The following CYP7B1 variants were observed in gnomAD, a reference collection of about 807,000 sequenced individuals.
CYP7B1 encodes the protein cytochrome P450 7B1.
CYP7B1 carries 29 observed loss-of-function variants against 42.7 expected under a neutral mutation model. The observed-to-expected ratio is 0.68, with a 90% CI of 0.51 to 0.93. The LOEUF (loss-of-function observed/expected upper bound fraction) is 0.93. CYP7B1 is among the 40% of genes least tolerant of loss of function. CYP7B1 has a pLI of 0.00. For synonymous variants in CYP7B1, 235 were observed against 218.2 expected, an observed-to-expected ratio of 1.08 and a Z score of -0.68; for missense variants, 655 against 600.5, an observed-to-expected ratio of 1.09 and a Z score of -0.95.
intron 1 of CYP7B1, among the ~76,000 whole-genome samples, chr8:64,673,933 T>C (rs1387121564): frequency 1.3e-5 from 2 of 152,084 alleles, no homozygotes; most frequent in Admixed American, 6.6e-5. Flanking sequence ...AATGATTATA[T>C]CTGATATCCA....
intron 1 of CYP7B1, among the ~76,000 whole-genome samples, chr8:64,654,845 TAG>T (rs1424374250): frequency 1.3e-5 from 2 of 152,042 alleles, no homozygotes; most frequent in Admixed American, 6.6e-5. Flanking sequence ...TGGGACAGAA[TAG>T]AGAGTCTAGA....
At chr8:64,667,505 G>C (rs954970036) in intron 1 of CYP7B1, among the ~76,000 whole-genome samples, 2 of 152,068 alleles carry the variant, frequency 1.3e-5, no homozygotes. Flanking sequence ...TGACAATAGT[G>C]ACCTTTAAAA....
rs1214288831 is a variant in CYP7B1, at chr8:64,594,232, C to A, written c.*2410G>T. Among the ~76,000 whole-genome samples, 2 of 152,046 alleles carry A rather than the reference C, an allele frequency of 1.3e-5. No individual in the cohort carries two copies. Among genetic ancestry groups the A allele is most frequent in the African/African-American group, 4.8e-5 (2 of 41,386 alleles). On this transcript the variant is annotated 3_prime_UTR_variant, in exon 6 of 6. Coordinates refer to ENST00000310193, the MANE Select transcript of CYP7B1 (RefSeq NM_004820.5). Reference sequence around the variant, plus strand: ...TTAAGTTCTGCTTTGGCCTCTGTCCCACAATAACTGTCCTGCTGACAGTGT... The same window carrying A: ...TTAAGTTCTGCTTTGGCCTCTGTCCAACAATAACTGTCCTGCTGACAGTGT...
intron 1 of CYP7B1, among the ~76,000 whole-genome samples, chr8:64,792,743 C>A (rs535845138): frequency 7.9e-5 from 12 of 152,050 alleles, no homozygotes; most frequent in Non-Finnish European, 1.5e-4. Context: ...CTCGCAAATA[C>A]GTGATTGTGA....
chr8:64,621,681 T>A (rs1165789792), intron 2 of CYP7B1, among the ~76,000 whole-genome samples: 1 of 151,856 alleles, frequency 6.6e-6, no homozygotes, highest in Non-Finnish European at 1.5e-5. Flanking sequence ...ATAATTCCTC[T>A]AAGATGCATG....
intron 1 of CYP7B1, among the ~76,000 whole-genome samples, chr8:64,793,614 T>A (rs917749043): frequency 3.0e-4 from 45 of 152,146 alleles, no homozygotes; most frequent in Non-Finnish European, 4.7e-4. Context: ...TCGTAACACA[T>A]CCAGTTCTAA....
intron 1 of CYP7B1, among the ~76,000 whole-genome samples, chr8:64,716,863 G>A (rs4474057): frequency 0.039 from 5,933 of 152,216 alleles, 171 homozygotes; most frequent in Middle Eastern, 0.12. Context: ...AAATCAACAT[G>A]CTTACTATTG....
intron 1 of CYP7B1, among the ~76,000 whole-genome samples, chr8:64,772,084 TGAAGAGAATTTTTA>T (rs1804244412): frequency 6.6e-6 from 1 of 152,226 alleles, no homozygotes; most frequent in Non-Finnish European, 1.5e-5. Context: ...TGAAGCAATC[TGAAGAGAATTTTTA>T]CAGACTCTCA....
intron 1 of CYP7B1, among the ~76,000 whole-genome samples, chr8:64,730,030 C>T (rs1464627570): frequency 6.6e-6 from 1 of 151,926 alleles, no homozygotes; most frequent in Admixed American, 6.6e-5. Context: ...ACAGTTTTAT[C>T]ACTTTTTGTT....
intron 1 of CYP7B1, among the ~76,000 whole-genome samples, chr8:64,692,164 G>T (rs1015173605): frequency 6.6e-6 from 1 of 152,214 alleles, no homozygotes; most frequent in South Asian, 2.1e-4. Context: ...TTCTCATGAA[G>T]CAGCCTCTGG....
chr8:64,782,486 G>A (rs949865711), intron 1 of CYP7B1, among the ~76,000 whole-genome samples: 4 of 152,094 alleles, frequency 2.6e-5, no homozygotes, highest in African/African-American at 9.7e-5. Flanking sequence ...GGACTTCCCA[G>A]CCTCCAGAAC....
intron 1 of CYP7B1, among the ~76,000 whole-genome samples, chr8:64,736,748 C>T (rs1047423141): frequency 6.6e-6 from 1 of 152,112 alleles, no homozygotes; most frequent in African/African-American, 2.4e-5. Context: ...CACACCTGGG[C>T]TGAATTTTTT....
chr8:64,789,835 A>T (rs924626717), intron 1 of CYP7B1, among the ~76,000 whole-genome samples: 13 of 152,226 alleles, frequency 8.5e-5, no homozygotes, highest in African/African-American at 3.1e-4. Flanking sequence ...AAATAAATCC[A>T]CATCTCCATC....
At chr8:64,782,337 C>T (rs1390437192) in intron 1 of CYP7B1, among the ~76,000 whole-genome samples, 1 of 152,110 alleles carries the variant, frequency 6.6e-6, no homozygotes, top group African/African-American at 2.4e-5. Flanking sequence ...GTGGAGCTCT[C>T]ACAAATGGGA....
At chr8:64,764,860 T>C (rs1807947178) in intron 1 of CYP7B1, among the ~76,000 whole-genome samples, 1 of 152,078 alleles carries the variant, frequency 6.6e-6, no homozygotes, top group Non-Finnish European at 1.5e-5. Flanking sequence ...CATTAACCAC[T>C]GAAAAATTCC....
At chr8:64,673,810 T>G (rs1261655175) in intron 1 of CYP7B1, among the ~76,000 whole-genome samples, 1 of 152,084 alleles carries the variant, frequency 6.6e-6, no homozygotes. Flanking sequence ...GTACATGGAA[T>G]AGAGTTTCTC....
chr8:64,676,763 C>T (rs996330497), intron 1 of CYP7B1, among the ~76,000 whole-genome samples: 9 of 152,150 alleles, frequency 5.9e-5, no homozygotes, highest in African/African-American at 1.9e-4. Flanking sequence ...CATTTGCTCC[C>T]GTTTTCTTTG....
intron 4 of CYP7B1, among the ~76,000 whole-genome samples, chr8:64,608,688 A>T (rs1216084119): frequency 6.6e-6 from 1 of 151,988 alleles, no homozygotes; most frequent in Non-Finnish European, 1.5e-5. Context: ...TGTGCTCTGG[A>T]AGGTGTCATG....
At chr8:64,590,676 A>T (rs922072007), downstream of CYP7B1, among the ~76,000 whole-genome samples, 1 of 152,216 alleles carries the variant, frequency 6.6e-6, no homozygotes, top group Non-Finnish European at 1.5e-5. Context: ...GAAATAGTTA[A>T]TATACTTTCA....
Sources: allele counts gnomAD v4.1 joint callset (sites outside exome capture counted in the v4.1 genomes callset), GRCh38; gene constraint gnomAD v4.1.1; transcripts MANE v1.5; gene names NCBI Gene and HGNC (gene_info 2026-07-23, HGNC 2026-07-21).